Variants in SPECC1 observed in about 807,000 individuals in gnomAD.
SPECC1 encodes the protein sperm antigen with calponin homology and coiled-coil domains 1.
SPECC1 carries 62 observed loss-of-function variants against 104.1 expected under a neutral mutation model. The ratio of observed to expected loss-of-function variants is 0.60; its 90% CI spans 0.49 to 0.74. The LOEUF is 0.74. SPECC1 is among the 30% of genes least tolerant of loss of function. The probability of loss-of-function intolerance (pLI) is 0.00; values close to 1 mark genes in which losing one functional copy is unlikely to be tolerated. For missense variants in SPECC1, 1,306 were observed against 1,310.5 expected (o/e 1.00, Z 0.05); for synonymous variants, 513 against 501.6 (o/e 1.02, Z -0.30).
chr17:20,079,126 G>T lies in SPECC1; in HGVS notation c.-21-17505G>T, dbSNP rs978946791. 2.0e-5 allele frequency among the ~76,000 whole-genome samples: 3 copies of T among 152,252 alleles called. No individual in the cohort carries two copies. In the East Asian group the frequency reaches 5.8e-4, roughly 29 times the overall value. On this transcript the variant is annotated intron_variant, in intron 1 of 14. Transcript: ENST00000395527. The stretch of plus-strand genomic sequence containing the variant: ...TTTAGAAAAGGAAGCAACCCAAGAG[G>T]CATGGAGGAAAAGTTGCTTTATTGA...
chr17:20,309,820 T>C lies in SPECC1; in HGVS notation c.3117+3738T>C, dbSNP rs541653428. ...CTGGTTTTCTTTCTCCTTTTCTTTT[T>C]TTTTTTTTTTTTTTTGAGATGGAAT... On this transcript the variant is annotated intron_variant, in intron 14 of 14. Coordinates refer to ENST00000395527, the MANE Select transcript of SPECC1 (RefSeq NM_001243439.2). 1.8e-3 allele frequency among the ~76,000 whole-genome samples: 261 copies of C among 145,146 alleles called. 5 individuals are homozygous for C. The highest frequency in any genetic ancestry group is 6.2e-3 in the African/African-American group (243 of 39,136).
rs1027873826 is a variant in SPECC1, at chr17:20,238,308, G to T, written c.2351+5903G>T. ...CCCCAGAAACTTAGTGTTCAAATCA[G>T]AGTGATACACAATTCAAAATGTGAT... On this transcript the variant is annotated intron_variant, in intron 7 of 14. Transcript: ENST00000395527. 5 of 1,040,178 alleles carry T rather than the reference G, an allele frequency of 4.8e-6. No homozygotes were observed. The African/African-American group carries it at 8.4e-5, about 17-fold the overall frequency. The allele number at this position is 1,040,178 out of a possible 1,614,324, so 64.4% of individuals were successfully genotyped here. A position where few individuals can be genotyped will look rare whatever the true frequency, so the allele number is the denominator to read the frequency against.
intron 1 of SPECC1, among the ~76,000 whole-genome samples, chr17:20,034,057 G>A (rs1228770514): frequency 6.6e-6 from 1 of 151,650 alleles, no homozygotes; most frequent in East Asian, 1.9e-4. Flanking sequence ...TTAAATTCTG[G>A]CTCCTTTAAA....
At chr17:20,245,265 A>G (rs1413515685) in intron 7 of SPECC1, among the ~76,000 whole-genome samples, 2 of 152,172 alleles carry the variant, frequency 1.3e-5, no homozygotes, top group Non-Finnish European at 2.9e-5. Flanking sequence ...TGCTCCCTCC[A>G]CCAGGACAGG....
intron 4 of SPECC1, among the ~76,000 whole-genome samples, chr17:20,218,941 A>G (rs1472929903): frequency 6.6e-6 from 1 of 152,142 alleles, no homozygotes; most frequent in Non-Finnish European, 1.5e-5. Context: ...ACTTAACATA[A>G]TGATTTCCAG....
intron 1 of SPECC1, among the ~76,000 whole-genome samples, chr17:20,020,821 A>C (rs569856361): frequency 6.6e-6 from 1 of 152,122 alleles, no homozygotes; most frequent in Non-Finnish European, 1.5e-5. Context: ...AGCTATTCTA[A>C]TGAGGTTCAT....
intron 3 of SPECC1, among the ~76,000 whole-genome samples, chr17:20,163,018 A>G (rs1193931827): frequency 6.6e-6 from 1 of 151,870 alleles, no homozygotes; most frequent in African/African-American, 2.4e-5. Context: ...ACAAGAGCAA[A>G]ACTCCATCTC....
chr17:20,095,081 T>C (rs1227033650), intron 1 of SPECC1, among the ~76,000 whole-genome samples: 1 of 152,188 alleles, frequency 6.6e-6, no homozygotes, highest in Non-Finnish European at 1.5e-5. Flanking sequence ...GTTCATTCAT[T>C]TTATATTGGG....
chr17:20,286,911 T>TG (rs2040966963), intron 12 of SPECC1, among the ~76,000 whole-genome samples: 1 of 152,166 alleles, frequency 6.6e-6, no homozygotes, highest in Non-Finnish European at 1.5e-5. Flanking sequence ...CCCCACGAAC[T>TG]GGCCCCCAGG....
At chr17:20,261,401 C>T (rs904839156) in intron 12 of SPECC1, among the ~76,000 whole-genome samples, 10 of 150,484 alleles carry the variant, frequency 6.6e-5, no homozygotes, top group African/African-American at 2.2e-4. Context: ...ACTCGGGAGG[C>T]TGAGGCAGGA....
At chr17:20,121,790 GC>G (rs2049046233) in intron 3 of SPECC1, among the ~76,000 whole-genome samples, 1 of 152,190 alleles carries the variant, frequency 6.6e-6, no homozygotes, top group Admixed American at 6.5e-5. Flanking sequence ...CCCCCAGAAG[GC>G]TGTCAAGGAA....
At chr17:20,207,684 A>T (rs1171410277) in intron 4 of SPECC1, among the ~76,000 whole-genome samples, 1 of 152,206 alleles carries the variant, frequency 6.6e-6, no homozygotes, top group African/African-American at 2.4e-5. Context: ...TAATTTCACC[A>T]CTTGGAGAAA....
At chr17:20,013,377 C>CT (rs1188156754) in intron 1 of SPECC1, among the ~76,000 whole-genome samples, 2 of 152,200 alleles carry the variant, frequency 1.3e-5, no homozygotes, top group African/African-American at 4.8e-5. Context: ...TATTCTCTCT[C>CT]TTTTTTTGAT....
At chr17:20,091,937 G>A (rs1340630308) in intron 1 of SPECC1, among the ~76,000 whole-genome samples, 2 of 152,300 alleles carry the variant, frequency 1.3e-5, no homozygotes, top group Middle Eastern at 3.4e-3. Flanking sequence ...CGCAGGCTCC[G>A]AAGGCAGCAA....
At chr17:20,254,468 G>T (rs1325354743) in intron 10 of SPECC1, among the ~76,000 whole-genome samples, 2 of 152,130 alleles carry the variant, frequency 1.3e-5, no homozygotes, top group Non-Finnish European at 2.9e-5. Context: ...ACATTAAAGC[G>T]CCTTGAACAT....
At chr17:20,045,948 G>A (rs1212091309) in intron 1 of SPECC1, among the ~76,000 whole-genome samples, 1 of 151,316 alleles carries the variant, frequency 6.6e-6, no homozygotes, top group Non-Finnish European at 1.5e-5. Flanking sequence ...TCTGTTAATT[G>A]GAAGATATGC....
chr17:20,169,608 T>A (rs1418715965), intron 3 of SPECC1, among the ~76,000 whole-genome samples: 1 of 152,128 alleles, frequency 6.6e-6, no homozygotes, highest in African/African-American at 2.4e-5. Context: ...AAAATAAGGG[T>A]ATGTGTGCAT....
intron 12 of SPECC1, among the ~76,000 whole-genome samples, chr17:20,279,533 G>C (rs151065176): frequency 0.033 from 4,961 of 152,102 alleles, 124 homozygotes; most frequent in Middle Eastern, 0.062. Context: ...TGTTGGTCAG[G>C]CTGATCTTGA....
intron 12 of SPECC1, among the ~76,000 whole-genome samples, chr17:20,268,115 A>G (rs1042799176): frequency 6.6e-6 from 1 of 152,228 alleles, no homozygotes; most frequent in African/African-American, 2.4e-5. Context: ...ATTTCAGATC[A>G]AAAGAAAGAA....
Sources: gnomAD v4.1 joint callset for allele counts (sites outside exome capture counted in the v4.1 genomes callset) on GRCh38, gnomAD v4.1.1 for gene constraint, MANE v1.5 for transcripts, NCBI Gene and HGNC (gene_info 2026-07-23, HGNC 2026-07-21) for gene names.